E2F5: variants seen among roughly 807,000 people sequenced by gnomAD.
The protein encoded by E2F5 is transcription factor E2F5.
A neutral mutation model predicts 39.1 loss-of-function variants in E2F5; 23 were observed. The observed-to-expected ratio is 0.59, with a 90% CI of 0.42 to 0.83. The LOEUF (loss-of-function observed/expected upper bound fraction) is 0.83, where lower values mean the gene tolerates loss of function less well. E2F5 is among the 40% of genes least tolerant of loss of function. The probability of loss-of-function intolerance (pLI) is 0.00; values close to 1 mark genes in which losing one functional copy is unlikely to be tolerated. For synonymous variants in E2F5, 145 were observed against 157.8 expected, an observed-to-expected ratio of 0.92 and a Z score of 0.61; for missense variants, 365 against 406.7, an observed-to-expected ratio of 0.90 and a Z score of 0.88.
At chr8:85,187,229 A>G (rs1812361695) in intron 1 of E2F5, among the ~76,000 whole-genome samples, 1 of 152,130 alleles carries the variant, frequency 6.6e-6, no homozygotes, top group African/African-American at 2.4e-5. Context: ...GGCCTCATAT[A>G]TAATCTAACC....
At chr8:85,180,123 C>T (rs192948806) in intron 1 of E2F5, among the ~76,000 whole-genome samples, 5 of 151,730 alleles carry the variant, frequency 3.3e-5, no homozygotes, top group East Asian at 3.9e-4. Context: ...CGGGTTCAAG[C>T]GATTCTCCTG....
rs975020360 is a variant in E2F5 at position 85,214,300 on chromosome 8, A to G, written c.*438A>G. ...AAACAGACGTTCACTGCCACTTGTA[A>G]AGTGAAGGATGTAAACGAGGATATA... On this transcript the variant is annotated 3_prime_UTR_variant, in exon 8 of 8. Coordinates refer to ENST00000416274, the MANE Select transcript of E2F5 (RefSeq NM_001951.4). The G allele has an allele frequency of 1.9e-5, 11 of 583,650 alleles. No homozygotes were observed. Among genetic ancestry groups the G allele is most frequent in the African/African-American group, 1.7e-4 (9 of 53,548 alleles). The allele number at this position is 583,650 out of a possible 1,614,324, so 36.2% of individuals were successfully genotyped here.
intron 1 of E2F5, among the ~76,000 whole-genome samples, chr8:85,193,441 C>T (rs1002375992): frequency 5.3e-5 from 8 of 152,080 alleles, no homozygotes; most frequent in Admixed American, 2.6e-4. Context: ...GGAGATCATG[C>T]CACTGCACTC....
chr8:85,202,372 G>C lies in E2F5; in HGVS notation c.344+116G>C, dbSNP rs150429643. The C allele has an allele frequency of 3.3e-4, 238 of 722,760 alleles. No individual in the cohort carries two copies. The African/African-American group carries it at 4.0e-3, about 12-fold the overall frequency. The allele number at this position is 722,760 out of a possible 1,614,324, so 44.8% of individuals were successfully genotyped here. On this transcript the variant is annotated intron_variant, in intron 2 of 7. Transcript: ENST00000416274. ...TCCTCTATTTCAGTCAGGCCCCTCA[G>C]CTTTCCCTGAACACACCTTTCTGGG...
In E2F5 at chr8:85,202,155, T is replaced by C. The variant is rs1272861020; in HGVS notation, c.243T>C (p.Asp81=). 1 of 1,612,666 alleles carries C rather than the reference T, an allele frequency of 6.2e-7. No homozygotes were observed. The highest frequency in any genetic ancestry group is 1.7e-5 in the Admixed American group (1 of 59,858). The stretch of plus-strand genomic sequence containing the variant: ...TTGTCTTTCCTGAACAGGCTGCTGA[T>C]ACTTTGGCTGTGAGGCAAAAAAGGA... The part of the protein sequence containing the change: ...DGVLDLKAAA[D]TLAVRQKRRI... The change falls in exon 2 of 8, where the codon GAT becomes GAC. Residue 81 remains aspartate, a synonymous_variant. Transcript: ENST00000416274.
intron 1 of E2F5, among the ~76,000 whole-genome samples, chr8:85,201,291 G>C (rs1812694269): frequency 6.6e-6 from 1 of 152,206 alleles, no homozygotes; most frequent in Non-Finnish European, 1.5e-5. Context: ...ATAATGTGCT[G>C]AAAATTGTCA....
At chr8:85,188,071 TC>T (rs1812379642) in intron 1 of E2F5, among the ~76,000 whole-genome samples, 1 of 152,172 alleles carries the variant, frequency 6.6e-6, no homozygotes, top group Non-Finnish European at 1.5e-5. Context: ...ATGCTTTTAT[TC>T]CAGTCCCCTC....
intron 7 of E2F5, 63 bp from the exon 8 acceptor site, chr8:85,213,690 G>A: frequency 1.2e-6 from 1 of 833,644 alleles, no homozygotes; most frequent in Non-Finnish European, 2.0e-6. Context: ...AGAGTATTTT[G>A]TTAAAGATCA....
At chr8:85,189,531 G>A (rs1055271283) in intron 1 of E2F5, among the ~76,000 whole-genome samples, 5 of 151,998 alleles carry the variant, frequency 3.3e-5, no homozygotes, top group Non-Finnish European at 7.4e-5. Flanking sequence ...CACCATGCCT[G>A]GGTAATTTTT....
intron 6 of E2F5, among the ~76,000 whole-genome samples, chr8:85,211,581 A>G (rs1228359293): frequency 6.7e-6 from 1 of 149,968 alleles, no homozygotes; most frequent in African/African-American, 2.5e-5. Context: ...AACTGGGAGA[A>G]TTATGAAACT....
chr8:85,177,884 CGCCACGCTGGGCTCTCGACAAAGA>C, intron 1 of E2F5: 3 of 676,566 alleles, frequency 4.4e-6, no homozygotes, highest in Non-Finnish European at 5.7e-6. Flanking sequence ...TGGGGCCCGG[CGCCACGCTGGGCTCTCGACAAAGA>C]GCCCAGGACC....
Position 85,206,157 on chromosome 8 carries a change from C to T in E2F5, c.507-20C>T. The T allele has an allele frequency of 6.2e-7, 1 of 1,611,382 alleles. No individual in the cohort carries two copies. The highest frequency in any genetic ancestry group is 1.1e-5 in the South Asian group (1 of 90,840). On this transcript the variant is annotated intron_variant, in intron 3 of 7. Transcript: ENST00000416274. Reference sequence around the variant, plus strand: ...CTACGGCTTGATATAAATGTCGTTCCTTAACTCCTATGACAGTACATTTTC... The same window carrying T: ...CTACGGCTTGATATAAATGTCGTTCTTTAACTCCTATGACAGTACATTTTC...
Position 85,186,869 on chromosome 8 carries a change from G to GAT in E2F5, c.234+9215_234+9216insAT, listed in dbSNP as rs544002355. Among the ~76,000 whole-genome samples the GAT allele has an allele frequency of 2.7e-5, 4 of 147,128 alleles. No individual in the cohort carries two copies. In the South Asian group the frequency reaches 8.6e-4, roughly 32 times the overall value. On this transcript the variant is annotated intron_variant, in intron 1 of 7. Coordinates refer to ENST00000416274, the MANE Select transcript of E2F5 (RefSeq NM_001951.4). ...GTATATATATGGTGTGTATATATAA[G>GAT]GTGTATATATATGGTATATATATAT...
At chr8:85,212,413 A>C in intron 7 of E2F5, 1 of 516,810 alleles carries the variant, frequency 1.9e-6, no homozygotes, top group Non-Finnish European at 3.4e-6. Context: ...AAAGGAATCC[A>C]TATGGGGATA....
Position 85,181,757 on chromosome 8 carries a change from C to G in E2F5, c.234+4103C>G, listed in dbSNP as rs189851368. On this transcript the variant is annotated intron_variant, in intron 1 of 7. Transcript: ENST00000416274. ...GGCAGATCACCTGAGGTCAGGAGTT[C>G]GAGACCAGCCTGCCCAACATGGCGA... 1.8e-3 allele frequency among the ~76,000 whole-genome samples: 279 copies of G among 151,086 alleles called. 1 individual carries two copies. Among genetic ancestry groups the G allele is most frequent in the Non-Finnish European group, 2.6e-3 (175 of 67,636 alleles).
Position 85,186,960 on chromosome 8 carries a change from T to TAA in E2F5, c.234+9314_234+9315dup, listed in dbSNP as rs34683192. Among the ~76,000 whole-genome samples, 63 of 148,510 alleles carry TAA rather than the reference T, an allele frequency of 4.2e-4. No homozygotes were observed. The East Asian group carries it at 8.4e-3, about 20-fold the overall frequency. On this transcript the variant is annotated intron_variant, in intron 1 of 7. Transcript: ENST00000416274. ...TTAGTTTTCTCTAACAATCCAAGCA[T>TAA]AAAAAAAAATCCCTGTTAGAACTGC...
intron 4 of E2F5, among the ~76,000 whole-genome samples, chr8:85,206,990 A>G (rs1587499148): frequency 6.6e-6 from 1 of 152,146 alleles, no homozygotes. Context: ...TTAATCTGCA[A>G]CTCAACAGAG....
At chr8:85,211,524 T>TA (rs1273169996) in intron 6 of E2F5, among the ~76,000 whole-genome samples, 1 of 151,714 alleles carries the variant, frequency 6.6e-6, no homozygotes, top group Admixed American at 6.6e-5. Flanking sequence ...GATCTGGAGA[T>TA]AAAGTTAACA....
At chr8:85,188,482 G>A (rs889394888) in intron 1 of E2F5, among the ~76,000 whole-genome samples, 1 of 152,120 alleles carries the variant, frequency 6.6e-6, no homozygotes, top group African/African-American at 2.4e-5. Context: ...TTGGCTGGCA[G>A]GGTTTCTTTC....
Sources: allele counts gnomAD v4.1 joint callset (sites outside exome capture counted in the v4.1 genomes callset), GRCh38; gene constraint gnomAD v4.1.1; transcripts MANE v1.5; gene names NCBI Gene and HGNC (gene_info 2026-07-23, HGNC 2026-07-21).